SETBP1: variants seen among roughly 807,000 people sequenced by gnomAD.
The protein encoded by SETBP1 is SET binding protein 1.
SETBP1 carries 9 observed loss-of-function variants against 101.0 expected under a neutral mutation model. That is an observed-to-expected ratio of 0.09 (90% CI 0.05 to 0.16). The LOEUF (loss-of-function observed/expected upper bound fraction) is 0.16, where lower values mean the gene tolerates loss of function less well. SETBP1 is among the 10% of genes least tolerant of loss of function. SETBP1 has a pLI of 1.00. For missense variants in SETBP1, 1,858 were observed against 2,033.8 expected (o/e 0.91, Z 1.66); for synonymous variants, 818 against 788.5 (o/e 1.04, Z -0.63).
chr18:44,971,130 G>T (rs1191616473), intron 4 of SETBP1, among the ~76,000 whole-genome samples: 9 of 151,866 alleles, frequency 5.9e-5, no homozygotes, highest in Non-Finnish European at 1.2e-4. Flanking sequence ...GCGGTGTTTG[G>T]TTTTTTGTCC....
chr18:44,849,853 C>A (rs2072812011), intron 2 of SETBP1, among the ~76,000 whole-genome samples: 1 of 152,182 alleles, frequency 6.6e-6, no homozygotes, highest in East Asian at 1.9e-4. Flanking sequence ...ATGCACCTGG[C>A]ACATGTGAAC....
At chr18:44,828,151 G>A (rs1437609550) in intron 2 of SETBP1, among the ~76,000 whole-genome samples, 1 of 151,928 alleles carries the variant, frequency 6.6e-6, no homozygotes, top group Non-Finnish European at 1.5e-5. Context: ...ATGTCCCTTT[G>A]TTGTCTTCAA....
chr18:44,745,992 G>C (rs962371924), intron 2 of SETBP1, among the ~76,000 whole-genome samples: 1 of 152,178 alleles, frequency 6.6e-6, no homozygotes, highest in Non-Finnish European at 1.5e-5. Flanking sequence ...GGAGTGAAGA[G>C]AGAGCTTGAA....
intron 3 of SETBP1, among the ~76,000 whole-genome samples, chr18:44,898,674 G>A (rs1473002967): frequency 2.0e-5 from 3 of 152,128 alleles, no homozygotes; most frequent in African/African-American, 4.8e-5. Flanking sequence ...GCCAAGCAGA[G>A]TTTGGAGCAG....
intron 4 of SETBP1, among the ~76,000 whole-genome samples, chr18:45,005,751 A>G (rs1034325448): frequency 1.3e-4 from 18 of 143,522 alleles, no homozygotes; most frequent in African/African-American, 4.7e-4. Context: ...GGTTCACGCC[A>G]TTCTGCTGCT....
At chr18:44,959,795 T>A (rs1410969428) in intron 4 of SETBP1, among the ~76,000 whole-genome samples, 1 of 151,956 alleles carries the variant, frequency 6.6e-6, no homozygotes, top group East Asian at 1.9e-4. Context: ...AGAGTGGAGA[T>A]GGTAAGGGTG....
intron 4 of SETBP1, among the ~76,000 whole-genome samples, chr18:45,027,137 C>A (rs2073183289): frequency 6.6e-6 from 1 of 152,122 alleles, no homozygotes; most frequent in Non-Finnish European, 1.5e-5. Flanking sequence ...AGAGTGACTT[C>A]TGCATTATTA....
intron 2 of SETBP1, among the ~76,000 whole-genome samples, chr18:44,715,940 C>T (rs1219676723): frequency 6.6e-6 from 1 of 152,156 alleles, no homozygotes; most frequent in African/African-American, 2.4e-5. Flanking sequence ...GCCCTCTTTG[C>T]CCATCTTTGT....
chr18:44,970,033 C>T (rs1172222165), intron 4 of SETBP1: 2 of 154,758 alleles, frequency 1.3e-5, no homozygotes, highest in African/African-American at 2.4e-5. Context: ...TTGGCTGCTC[C>T]GTGATAGTGA....
intron 3 of SETBP1, among the ~76,000 whole-genome samples, chr18:44,919,726 A>G (rs193064454): frequency 9.6e-4 from 145 of 150,950 alleles, no homozygotes; most frequent in African/African-American, 3.2e-3. Flanking sequence ...ATTAATATAT[A>G]TTTATTATAT....
intron 5 of SETBP1, among the ~76,000 whole-genome samples, chr18:45,054,610 T>C (rs985279592): frequency 6.6e-6 from 1 of 152,256 alleles, no homozygotes; most frequent in Non-Finnish European, 1.5e-5. Context: ...TACAGGGAGC[T>C]ATAATCTCAT....
chr18:44,769,708 A>G (rs1449479724), intron 2 of SETBP1, among the ~76,000 whole-genome samples: 1 of 152,256 alleles, frequency 6.6e-6, no homozygotes, highest in Non-Finnish European at 1.5e-5. Flanking sequence ...CAAAAAAGGA[A>G]GTCACATGCA....
At chr18:44,848,487 A>G (rs2072774574) in intron 2 of SETBP1, among the ~76,000 whole-genome samples, 1 of 152,224 alleles carries the variant, frequency 6.6e-6, no homozygotes, top group Non-Finnish European at 1.5e-5. Context: ...TGTTGAGAAG[A>G]GACATGTATA....
chr18:44,951,357 A>G lies in SETBP1; in HGVS notation c.2017A>G (p.Lys673Glu). 2 of 1,614,076 alleles carry G rather than the reference A, an allele frequency of 1.2e-6. No individual in the cohort carries two copies. Among genetic ancestry groups the G allele is most frequent in the Non-Finnish European group, 1.7e-6 (2 of 1,180,036 alleles). The change falls in exon 4 of 6, where the codon AAG becomes GAG. Residue 673 changes from lysine to glutamate, a missense_variant. Transcript: ENST00000649279. The surrounding 1 kb of genome is among the most constrained non-coding windows in gnomAD (Gnocchi z 7.8). The stretch of plus-strand genomic sequence containing the variant: ...AACTATCAATAAGATGAAGACACTC[A>G]AGAGGAAAAACATCTTGAATCAGAT... ...IKTINKMKTLKRKNILNQILS... is the reference protein window; with the variant it reads ...IKTINKMKTLERKNILNQILS...
intron 3 of SETBP1, among the ~76,000 whole-genome samples, chr18:44,942,786 A>G (rs1414544298): frequency 6.6e-6 from 1 of 152,168 alleles, no homozygotes; most frequent in Non-Finnish European, 1.5e-5. Flanking sequence ...ATGCAGAATT[A>G]TTTACTACTC....
At chr18:44,875,527 C>CAAAAAAAAA (rs10645515) in intron 3 of SETBP1, among the ~76,000 whole-genome samples, 11 of 61,596 alleles carry the variant, frequency 1.8e-4, no homozygotes, top group Non-Finnish European at 2.2e-4. Context: ...GACTCCATCT[C>CAAAAAAAAA]AAAAAAAAAA....
In SETBP1 at chr18:44,951,056, C is replaced by G. The variant is rs753677528; in HGVS notation, c.1716C>G (p.Thr572=). The part of the protein sequence containing the change: ...YPITPSSPLY[T]NTDSLTVITP... ...TCACCCCATCCAGCCCTCTCTACAC[C>G]AACACAGACAGTCTTACTGTGATCA... Residue 572 remains threonine (T), a synonymous_variant, in exon 4 of 6, where the codon ACC becomes ACG. Coordinates refer to ENST00000649279, the MANE Select transcript of SETBP1 (RefSeq NM_015559.3). The surrounding 1 kb of genome is among the most constrained non-coding windows in gnomAD (Gnocchi z 7.8). The G allele has an allele frequency of 5.6e-6, 9 of 1,614,090 alleles. No homozygotes were observed. The highest frequency in any genetic ancestry group is 6.8e-6 in the Non-Finnish European group (8 of 1,180,034).
At chr18:44,808,267 C>T (rs1049123679) in intron 2 of SETBP1, among the ~76,000 whole-genome samples, 9 of 152,090 alleles carry the variant, frequency 5.9e-5, no homozygotes, top group Non-Finnish European at 8.8e-5. Context: ...ACTGATCTAC[C>T]CTCCTTCACA....
intron 2 of SETBP1, among the ~76,000 whole-genome samples, chr18:44,836,223 G>C (rs2072492157): frequency 6.6e-6 from 1 of 151,634 alleles, no homozygotes; most frequent in Non-Finnish European, 1.5e-5. Flanking sequence ...ACACTGAATT[G>C]TATATCAGCT....
Sources: gnomAD v4.1 joint callset for allele counts (sites outside exome capture counted in the v4.1 genomes callset) on GRCh38, gnomAD v4.1.1 for gene constraint, Gnocchi (gnomAD v3.1) non-coding constraint, MANE v1.5 for transcripts, NCBI Gene and HGNC (gene_info 2026-07-23, HGNC 2026-07-21) for gene names.